ARHGEF37: variants seen among roughly 807,000 people sequenced by gnomAD.
ARHGEF37 encodes the protein Rho guanine nucleotide exchange factor (GEF) 37.
In ARHGEF37, 55 loss-of-function variants were observed where a neutral mutation model predicts 71.1. That is an observed-to-expected ratio of 0.77 (90% CI 0.62 to 0.97). ARHGEF37 has a LOEUF of 0.97. Among genes scored for constraint, ARHGEF37 ranks in the 50% least tolerant of loss-of-function variants. The pLI is 0.00. For synonymous variants in ARHGEF37, 327 were observed against 350.6 expected, an observed-to-expected ratio of 0.93 and a Z score of 0.75; for missense variants, 765 against 836.8, an observed-to-expected ratio of 0.91 and a Z score of 1.06.
intron 5 of ARHGEF37, 92 bp from the exon 6 acceptor site, chr5:149,618,084 G>A (rs1752426212): frequency 1.3e-6 from 2 of 1,550,644 alleles, no homozygotes; most frequent in Non-Finnish European, 1.8e-6. Context: ...GGAGCAGAGG[G>A]CCCAAGCAGG....
chr5:149,630,282 G>A (rs918571368), intron 12 of ARHGEF37, among the ~76,000 whole-genome samples: 4 of 152,206 alleles, frequency 2.6e-5, no homozygotes, highest in Admixed American at 6.5e-5. Context: ...TCAGTGGGAT[G>A]TTGGAAGGAT....
rs1001562351 is a variant in ARHGEF37, at chr5:149,633,805, A to G, written c.*1614A>G. ...AATATATACATGTCTGTGTCAGTCT[A>G]TAACTTGCCTCCTCTGGGCCTGTTA... On this transcript the variant is annotated 3_prime_UTR_variant, in exon 13 of 13. Coordinates refer to ENST00000333677, the MANE Select transcript of ARHGEF37 (RefSeq NM_001001669.3). 1.3e-5 allele frequency: 2 copies of G among 152,210 alleles called. No individual in the cohort carries two copies. Among genetic ancestry groups the G allele is most frequent in the Admixed American group, 6.5e-5 (1 of 15,280 alleles). The allele number at this position is 152,210 out of a possible 1,614,324, so 9.4% of individuals were successfully genotyped here.
At chr5:149,581,179 C>A (rs897175887), upstream of ARHGEF37, among the ~76,000 whole-genome samples, 1 of 152,178 alleles carries the variant, frequency 6.6e-6, no homozygotes, top group Non-Finnish European at 1.5e-5. Context: ...TCCAGTAATA[C>A]CGGGGTCAGC....
chr5:149,602,790 T>C (rs1763794754), intron 3 of ARHGEF37, among the ~76,000 whole-genome samples: 1 of 152,028 alleles, frequency 6.6e-6, no homozygotes, highest in African/African-American at 2.4e-5. Flanking sequence ...GGGTGTCAGA[T>C]TCACTACAGT....
intron 2 of ARHGEF37, among the ~76,000 whole-genome samples, chr5:149,600,664 G>A (rs1031839291): frequency 4.1e-5 from 6 of 144,900 alleles, no homozygotes; most frequent in African/African-American, 1.5e-4. Context: ...TTTTTGAGAT[G>A]GAGTCTCGCT....
chr5:149,615,536 T>C (rs932488607), intron 4 of ARHGEF37, among the ~76,000 whole-genome samples: 1 of 152,208 alleles, frequency 6.6e-6, no homozygotes, highest in Non-Finnish European at 1.5e-5. Context: ...ATAGATATTA[T>C]GACTTTTTAC....
At chr5:149,580,525 A>C (rs1460081406), upstream of ARHGEF37, among the ~76,000 whole-genome samples, 2 of 152,148 alleles carry the variant, frequency 1.3e-5, no homozygotes. Context: ...GAATACTGGC[A>C]CTGTCACTTA....
At chr5:149,629,835 T>C (rs1448672621) in intron 12 of ARHGEF37, among the ~76,000 whole-genome samples, 2 of 152,346 alleles carry the variant, frequency 1.3e-5, no homozygotes, top group African/African-American at 4.8e-5. Flanking sequence ...GCGAGCTCTT[T>C]GTACAATGGA....
intron 1 of ARHGEF37, among the ~76,000 whole-genome samples, chr5:149,594,176 AG>A (rs890318656): frequency 1.3e-5 from 2 of 152,166 alleles, no homozygotes; most frequent in African/African-American, 4.8e-5. Flanking sequence ...TTTTCCTGCT[AG>A]GAGGTCTAGA....
At chr5:149,566,629 T>G (rs946340784) in intron 1 of ARHGEF37, among the ~76,000 whole-genome samples, 1 of 151,988 alleles carries the variant, frequency 6.6e-6, no homozygotes, top group Admixed American at 6.5e-5. Flanking sequence ...AACTAAGTAT[T>G]AAGACAGGCT....
At chr5:149,579,506 T>C (rs554583634), upstream of ARHGEF37, among the ~76,000 whole-genome samples, 2 of 152,170 alleles carry the variant, frequency 1.3e-5, no homozygotes, top group African/African-American at 2.4e-5. Flanking sequence ...CTTTGAAGCA[T>C]CCCTAATAAG....
intron 1 of ARHGEF37, among the ~76,000 whole-genome samples, chr5:149,558,745 A>ATT (rs1561781171): frequency 2.7e-5 from 4 of 150,418 alleles, no homozygotes; most frequent in African/African-American, 9.8e-5. Flanking sequence ...GTGTATATAT[A>ATT]TTTTTATATG....
chr5:149,582,382 A>G (rs1763126961), intron 1 of ARHGEF37, among the ~76,000 whole-genome samples: 1 of 152,210 alleles, frequency 6.6e-6, no homozygotes, highest in African/African-American at 2.4e-5. Context: ...CTTTGAAGGG[A>G]GGCAGCTGGT....
chr5:149,598,665 G>A (rs530405414), intron 2 of ARHGEF37, among the ~76,000 whole-genome samples: 1 of 150,370 alleles, frequency 6.7e-6, no homozygotes, highest in Non-Finnish European at 1.5e-5. Context: ...ACCTCTTTGG[G>A]TACCCTGAGA....
Position 149,621,907 on chromosome 5 carries a change from A to C in ARHGEF37, c.1180A>C (p.Thr394Pro). The change falls in exon 9 of 13, where the codon ACA becomes CCA. Residue 394 changes from threonine (T) to proline (P), a missense_variant. Thr to Pro is a conservative substitution (Grantham distance 38). Around this residue, in one of 5 missense-constraint regions of ARHGEF37, gnomAD observed 390 missense variants for 407.4 expected, o/e 0.96. Coordinates refer to ENST00000333677, the MANE Select transcript of ARHGEF37 (RefSeq NM_001001669.3). ...CTACCAGGAGGAGGCCGCCCGGCAC[A>C]CATACCAGGCACTCAACTCGCTGCT... Reference protein sequence around the residue: ...VTYQEEAARHTYQALNSLLVA... With the variant: ...VTYQEEAARHPYQALNSLLVA... The C allele has an allele frequency of 6.2e-7, 1 of 1,614,260 alleles. No individual in the cohort carries two copies. Among genetic ancestry groups the C allele is most frequent in the Non-Finnish European group, 8.5e-7 (1 of 1,180,046 alleles).
chr5:149,577,996 G>T (rs1763044999), upstream of ARHGEF37, among the ~76,000 whole-genome samples: 1 of 152,200 alleles, frequency 6.6e-6, no homozygotes, highest in Non-Finnish European at 1.5e-5. Context: ...GGTGATCTAT[G>T]GCATCCAGTC....
intron 3 of ARHGEF37, among the ~76,000 whole-genome samples, chr5:149,603,067 G>A (rs1763805476): frequency 6.6e-6 from 1 of 151,904 alleles, no homozygotes; most frequent in Admixed American, 6.6e-5. Flanking sequence ...TGAGTAGCTG[G>A]GATTACAGGC....
At chr5:149,614,200 T>C (rs1202491233) in intron 4 of ARHGEF37, among the ~76,000 whole-genome samples, 1 of 152,160 alleles carries the variant, frequency 6.6e-6, no homozygotes, top group African/African-American at 2.4e-5. Flanking sequence ...CTGAACAACT[T>C]GTACCTTTAT....
chr5:149,568,811 C>CAAAAAAA, intron 1 of ARHGEF37, among the ~76,000 whole-genome samples: 1 of 57,352 alleles, frequency 1.7e-5, no homozygotes, highest in African/African-American at 5.5e-5. Context: ...GACTCCATCT[C>CAAAAAAA]AAAAAAAAAA....
Sources: allele counts gnomAD v4.1 joint callset (sites outside exome capture counted in the v4.1 genomes callset), GRCh38; gene constraint gnomAD v4.1.1; regional missense constraint gnomAD v4.1.1; transcripts MANE v1.5; gene names NCBI Gene and HGNC (gene_info 2026-07-23, HGNC 2026-07-21).